Variants in RNF216 observed in about 807,000 individuals in gnomAD.
The protein encoded by RNF216 is E3 ubiquitin-protein ligase RNF216.
A neutral mutation model predicts 110.8 loss-of-function variants in RNF216; 72 were observed. The observed-to-expected ratio is 0.65, with a 90% CI of 0.54 to 0.79. RNF216 has a LOEUF of 0.79. Ranked by LOEUF, RNF216 falls within the 30% of genes least tolerant of loss-of-function variation. The pLI, the probability that RNF216 is intolerant of heterozygous loss-of-function variation, is 0.00. For synonymous variants in RNF216, 495 were observed against 407.5 expected (o/e 1.21, Z -2.59); for missense variants, 1,342 against 1,141.2 (o/e 1.18, Z -2.54).
At chr7:5,683,067 C>CA (rs1025757266) in intron 13 of RNF216, among the ~76,000 whole-genome samples, 37 of 151,976 alleles carry the variant, frequency 2.4e-4, no homozygotes, top group African/African-American at 8.4e-4. Flanking sequence ...AGTTAAAAAA[C>CA]AAAAAACAAA....
intron 13 of RNF216, among the ~76,000 whole-genome samples, chr7:5,703,551 A>C (rs1404706670): frequency 6.6e-6 from 1 of 152,244 alleles, no homozygotes; most frequent in Non-Finnish European, 1.5e-5. Flanking sequence ...CACGGCTGTA[A>C]AGTTAAAAAC....
chr7:5,673,829 T>C (rs796644858), intron 13 of RNF216, among the ~76,000 whole-genome samples: 21 of 150,434 alleles, frequency 1.4e-4, no homozygotes, highest in African/African-American at 2.9e-4. Context: ...CTAGGAAAGA[T>C]AGAGAGACCT....
chr7:5,630,101 G>C (rs1218713242), intron 15 of RNF216, among the ~76,000 whole-genome samples: 1 of 152,022 alleles, frequency 6.6e-6, no homozygotes, highest in Non-Finnish European at 1.5e-5. Context: ...AAGAGGATGA[G>C]GAGGAGCCAG....
At chr7:5,743,540 C>A (rs1040916560) in intron 3 of RNF216, among the ~76,000 whole-genome samples, 5 of 152,136 alleles carry the variant, frequency 3.3e-5, no homozygotes, top group African/African-American at 7.2e-5. Flanking sequence ...TAAGAAATGC[C>A]ATTAAGTGAA....
At chr7:5,677,199 CAT>C (rs1428683868) in intron 13 of RNF216, among the ~76,000 whole-genome samples, 1 of 152,220 alleles carries the variant, frequency 6.6e-6, no homozygotes, top group Non-Finnish European at 1.5e-5. Flanking sequence ...AGAGCAAACA[CAT>C]GTGATTTAGA....
intron 11 of RNF216, chr7:5,713,414 G>A (rs533013836): frequency 1.1e-4 from 17 of 152,612 alleles, no homozygotes; most frequent in African/African-American, 4.1e-4. Flanking sequence ...GCAGAGCTGA[G>A]GGGTGGCCTG....
In RNF216 at chr7:5,623,149, A is replaced by G. The variant is rs746080152; in HGVS notation, c.2483T>C (p.Leu828Pro). Residue 828 changes from leucine (L) to proline (P), a missense_variant, in exon 17 of 17, where the codon CTG becomes CCG. By Grantham distance (98) the Leu-to-Pro change is moderately conservative (BLOSUM62 -3). Transcript: ENST00000389902. ...ENTFKRIGPP[L>P]EKPVEKVQRV... Reference sequence around the variant, plus strand: ...CTGCACCTTCTCCACAGGCTTCTCCAGCGGGGGTCCAATGCGTTTGAAGGT... The same window carrying G: ...CTGCACCTTCTCCACAGGCTTCTCCGGCGGGGGTCCAATGCGTTTGAAGGT... The G allele has an allele frequency of 3.2e-6, 5 of 1,582,168 alleles. No homozygotes were observed. The highest frequency in any genetic ancestry group is 4.3e-6 in the Non-Finnish European group (5 of 1,158,572).
chr7:5,682,698 G>A (rs1347340210), intron 13 of RNF216, among the ~76,000 whole-genome samples: 3 of 152,090 alleles, frequency 2.0e-5, no homozygotes, highest in African/African-American at 4.8e-5. Context: ...GAGCCTCTGC[G>A]CTCGGCTGAC....
At chr7:5,635,841 G>T (rs1479909240) in intron 15 of RNF216, among the ~76,000 whole-genome samples, 3 of 152,212 alleles carry the variant, frequency 2.0e-5, no homozygotes, top group Admixed American at 2.0e-4. Flanking sequence ...TTGGAAAAAT[G>T]AGTGTCTCTT....
At chr7:5,627,269 T>C (rs974872694) in intron 15 of RNF216, among the ~76,000 whole-genome samples, 1 of 152,072 alleles carries the variant, frequency 6.6e-6, no homozygotes, top group Non-Finnish European at 1.5e-5. Flanking sequence ...AGAAAAGATA[T>C]CCTGAAGGTG....
chr7:5,641,400 G>C, intron 14 of RNF216, 24 bp from the exon 15 acceptor site: 3 of 1,591,990 alleles, frequency 1.9e-6, no homozygotes, highest in Non-Finnish European at 2.6e-6. Flanking sequence ...ACATAATTTG[G>C]AGCTGGGAGG....
chr7:5,754,105 TTTTTC>T (rs1446905938), intron 2 of RNF216, among the ~76,000 whole-genome samples: 1 of 148,280 alleles, frequency 6.7e-6, no homozygotes, highest in East Asian at 2.0e-4. Flanking sequence ...AGCTGTAATG[TTTTTC>T]TTTTGTGTGG....
chr7:5,760,513 T>C, intron 2 of RNF216: 2 of 304,726 alleles, frequency 6.6e-6, no homozygotes, highest in South Asian at 2.5e-5. Context: ...AAATTCCATC[T>C]CAAAAAAAGA....
At chr7:5,729,837 CT>C (rs1490686998) in intron 6 of RNF216, among the ~76,000 whole-genome samples, 1 of 152,170 alleles carries the variant, frequency 6.6e-6, no homozygotes, top group African/African-American at 2.4e-5. Flanking sequence ...TTAAACCAAT[CT>C]TACAGCCATC....
chr7:5,753,282 A>G (rs548699951), intron 2 of RNF216, among the ~76,000 whole-genome samples: 2 of 152,322 alleles, frequency 1.3e-5, no homozygotes, highest in East Asian at 1.9e-4. Flanking sequence ...CAATTTCTTT[A>G]AAGTGAAATA....
At chr7:5,763,491 G>A (rs1584599920) in intron 1 of RNF216, among the ~76,000 whole-genome samples, 6 of 152,112 alleles carry the variant, frequency 3.9e-5, no homozygotes, top group Admixed American at 3.9e-4. Context: ...TTAGCCAGGC[G>A]TGGTGGCAGG....
At chr7:5,626,412 TAA>T (rs746722830) in intron 15 of RNF216, among the ~76,000 whole-genome samples, 13 of 105,850 alleles carry the variant, frequency 1.2e-4, no homozygotes, top group Non-Finnish European at 8.4e-5. Flanking sequence ...GAAAAAAGAC[TAA>T]AAAAAAAAAA....
chr7:5,636,413 T>C (rs1285592310), intron 15 of RNF216, among the ~76,000 whole-genome samples: 1 of 152,202 alleles, frequency 6.6e-6, no homozygotes, highest in Non-Finnish European at 1.5e-5. Flanking sequence ...GCTCTTACTG[T>C]GGAGTGGTAG....
At chr7:5,752,798 A>C in intron 3 of RNF216, 48 bp downstream of exon 3, 1 of 1,594,224 alleles carries the variant, frequency 6.3e-7, no homozygotes, top group Non-Finnish European at 8.5e-7. Context: ...GAAAAATCAG[A>C]TCACCAACTT....
Sources: allele counts gnomAD v4.1 joint callset (sites outside exome capture counted in the v4.1 genomes callset), GRCh38; gene constraint gnomAD v4.1.1; transcripts MANE v1.5; gene names NCBI Gene and HGNC (gene_info 2026-07-23, HGNC 2026-07-21).